The following LOC128462377 variants were observed in gnomAD, a reference collection of about 807,000 sequenced individuals.
chr16:89,332,364 T>A, the LOC128462377 span, among the ~76,000 whole-genome samples: 7 of 152,174 alleles, frequency 4.6e-5, no homozygotes, highest in Admixed American at 4.6e-4. Flanking sequence ...GGCTGTACCT[T>A]TTCAGAAAGA....
chr16:89,406,644 G>C, the LOC128462377 span, among the ~76,000 whole-genome samples: 1 of 152,202 alleles, frequency 6.6e-6, no homozygotes, highest in Non-Finnish European at 1.5e-5. Flanking sequence ...ATCAGACACA[G>C]GGTTTTAGTT....
At chr16:89,317,453 G>A in the LOC128462377 span, among the ~76,000 whole-genome samples, 14 of 152,272 alleles carry the variant, frequency 9.2e-5, no homozygotes, top group African/African-American at 2.6e-4. Flanking sequence ...TCCCTTCCCC[G>A]CATTACAGGC....
chr16:89,402,965 C>T, the LOC128462377 span, among the ~76,000 whole-genome samples: 1 of 152,132 alleles, frequency 6.6e-6, no homozygotes, highest in Non-Finnish European at 1.5e-5. Flanking sequence ...ACCTCTTTTC[C>T]GCCTGGGCTC....
the LOC128462377 span, among the ~76,000 whole-genome samples, chr16:89,368,495 C>A: frequency 6.9e-6 from 1 of 145,782 alleles, no homozygotes; most frequent in Non-Finnish European, 1.5e-5. Context: ...GCTGGGATTA[C>A]AGGCATGAGC....
the LOC128462377 span, among the ~76,000 whole-genome samples, chr16:89,362,264 G>C: frequency 6.6e-6 from 1 of 152,194 alleles, no homozygotes; most frequent in Non-Finnish European, 1.5e-5. Context: ...CGGGATCTCA[G>C]CGTAAGCAGC....
At chr16:89,395,854 G>A in the LOC128462377 span, 74,624 of 151,980 alleles carry the variant, frequency 0.49, 19,232 homozygotes, top group Middle Eastern at 0.69. Context: ...CTGGGGTGGT[G>A]CGGCAAGACT....
At chr16:89,388,256 G>C in the LOC128462377 span, among the ~76,000 whole-genome samples, 1 of 150,730 alleles carries the variant, frequency 6.6e-6, no homozygotes, top group Non-Finnish European at 1.5e-5. Flanking sequence ...GGGCCCACGC[G>C]GGTGGTGCCG....
the LOC128462377 span, among the ~76,000 whole-genome samples, chr16:89,376,013 C>A: frequency 0.035 from 5,331 of 152,216 alleles, 205 homozygotes; most frequent in East Asian, 0.15. Context: ...AGCAGAAGGG[C>A]CATCACAAAA....
the LOC128462377 span, among the ~76,000 whole-genome samples, chr16:89,325,469 T>TCTCA: frequency 3.7e-4 from 55 of 147,742 alleles, no homozygotes; most frequent in African/African-American, 1.2e-3. Flanking sequence ...TCTCTCTCTC[T>TCTCA]CACACACACA....
At chr16:89,325,884 G>A in the LOC128462377 span, among the ~76,000 whole-genome samples, 2 of 152,162 alleles carry the variant, frequency 1.3e-5, no homozygotes, top group African/African-American at 2.4e-5. Context: ...CGCCCTGCTA[G>A]GCCCTACTGG....
the LOC128462377 span, among the ~76,000 whole-genome samples, chr16:89,398,265 G>A: frequency 6.5e-3 from 253 of 38,820 alleles, 1 homozygote; most frequent in African/African-American, 0.018. Context: ...TGTGAAACAG[G>A]TGAAGATTAC....
the LOC128462377 span, chr16:89,370,701 C>A: frequency 1.3e-5 from 2 of 152,370 alleles, no homozygotes; most frequent in African/African-American, 4.8e-5. Flanking sequence ...ACGGCAGGAC[C>A]CGAGAGCAGA....
chr16:89,346,943 A>C, the LOC128462377 span, among the ~76,000 whole-genome samples: 1 of 152,238 alleles, frequency 6.6e-6, no homozygotes, highest in African/African-American at 2.4e-5. Flanking sequence ...AACAAGCTAC[A>C]CGACACAATA....
At chr16:89,386,652 C>T in the LOC128462377 span, among the ~76,000 whole-genome samples, 1 of 152,230 alleles carries the variant, frequency 6.6e-6, no homozygotes, top group South Asian at 2.1e-4. Flanking sequence ...TCTTCTCGTC[C>T]AGGAAACTTG....
the LOC128462377 span, among the ~76,000 whole-genome samples, chr16:89,397,632 C>G: frequency 6.6e-6 from 1 of 152,234 alleles, no homozygotes; most frequent in African/African-American, 2.4e-5. Flanking sequence ...CATAAACTTT[C>G]CCTTTTCACT....
chr16:89,384,743 T>G, the LOC128462377 span, among the ~76,000 whole-genome samples: 1 of 152,166 alleles, frequency 6.6e-6, no homozygotes, highest in Admixed American at 6.5e-5. Flanking sequence ...TTGGTCTTAC[T>G]GTATTTTTGG....
the LOC128462377 span, among the ~76,000 whole-genome samples, chr16:89,395,210 T>C: frequency 1.1e-4 from 16 of 152,190 alleles, no homozygotes; most frequent in Non-Finnish European, 2.2e-4. Flanking sequence ...TAAGGCAGCG[T>C]CTTAACAGAA....
At chr16:89,350,463 CT>C in the LOC128462377 span, among the ~76,000 whole-genome samples, 1 of 152,156 alleles carries the variant, frequency 6.6e-6, no homozygotes, top group African/African-American at 2.4e-5. Flanking sequence ...TATCTACCCC[CT>C]AAAAAGCTAC....
chr16:89,377,133 G>A, the LOC128462377 span, among the ~76,000 whole-genome samples: 1 of 152,186 alleles, frequency 6.6e-6, no homozygotes, highest in African/African-American at 2.4e-5. Flanking sequence ...AGAACCCCGT[G>A]AGTTCAACAG....
Sources: gnomAD v4.1 joint callset for allele counts (sites outside exome capture counted in the v4.1 genomes callset) on GRCh38, gnomAD v4.1.1 for gene constraint, MANE v1.5 for transcripts.